The following KIZ variants were observed in gnomAD, a reference collection of about 807,000 sequenced individuals.
KIZ encodes kizuna centrosomal protein.
Under a neutral mutation model 79.6 loss-of-function variants are expected in KIZ, and 68 were observed. The observed-to-expected ratio is 0.85, with a 90% CI of 0.70 to 1.05. The LOEUF (loss-of-function observed/expected upper bound fraction) is 1.05, where lower values mean the gene tolerates loss of function less well. Ranked by LOEUF, KIZ falls within the 50% of genes least tolerant of loss-of-function variation. The probability of loss-of-function intolerance (pLI) is 0.00; values close to 1 mark genes in which losing one functional copy is unlikely to be tolerated. For synonymous variants in KIZ, 280 were observed against 281.8 expected, an observed-to-expected ratio of 0.99 and a Z score of 0.06; for missense variants, 797 against 800.4, an observed-to-expected ratio of 1.00 and a Z score of 0.05.
intron 8 of KIZ, 57 bp from the exon 9 acceptor site, chr20:21,215,526 A>G: frequency 2.0e-6 from 2 of 1,020,024 alleles, no homozygotes; most frequent in Non-Finnish European, 1.5e-6. Flanking sequence ...CAAACACCCA[A>G]AGGATCTATT....
At chr20:21,228,573 C>T (rs2036728555) in intron 9 of KIZ, among the ~76,000 whole-genome samples, 1 of 152,192 alleles carries the variant, frequency 6.6e-6, no homozygotes, top group Admixed American at 6.5e-5. Context: ...GACCCTCTCC[C>T]CATTCCCCCA....
At chr20:21,244,343 C>A (rs2037319993) in intron 12 of KIZ, 55 bp downstream of exon 12, 12 of 1,243,718 alleles carry the variant, frequency 9.6e-6, no homozygotes, top group Non-Finnish European at 1.2e-6. Flanking sequence ...CCAAAAAACT[C>A]TGTGACATGC....
intron 3 of KIZ, among the ~76,000 whole-genome samples, chr20:21,142,079 G>A (rs888400741): frequency 2.0e-5 from 3 of 148,012 alleles, no homozygotes; most frequent in Non-Finnish European, 4.5e-5. Context: ...TTTATCTCCC[G>A]CACACGTACA....
At chr20:21,146,009 A>G (rs377696420) in intron 4 of KIZ, among the ~76,000 whole-genome samples, 2 of 152,236 alleles carry the variant, frequency 1.3e-5, no homozygotes, top group African/African-American at 2.4e-5. Flanking sequence ...TATTTGTGCG[A>G]ATATACATAA....
At chr20:21,149,208 C>T (rs537229963) in intron 4 of KIZ, among the ~76,000 whole-genome samples, 71 of 152,306 alleles carry the variant, frequency 4.7e-4, no homozygotes, top group African/African-American at 1.6e-3. Context: ...CACCTTGCAG[C>T]AATGCCCTCT....
At chr20:21,167,654 C>T (rs931269434) in intron 6 of KIZ, among the ~76,000 whole-genome samples, 5 of 151,486 alleles carry the variant, frequency 3.3e-5, no homozygotes, top group East Asian at 1.9e-4. Flanking sequence ...CTCCACCTCC[C>T]GGGTGCAAGC....
intron 6 of KIZ, among the ~76,000 whole-genome samples, chr20:21,184,847 G>A (rs145375220): frequency 6.6e-6 from 1 of 152,226 alleles, no homozygotes; most frequent in East Asian, 1.9e-4. Flanking sequence ...ATTGAGACCA[G>A]CCTGAGCAAC....
At chr20:21,228,370 G>A (rs1292846896) in intron 9 of KIZ, among the ~76,000 whole-genome samples, 2 of 152,142 alleles carry the variant, frequency 1.3e-5, no homozygotes, top group African/African-American at 4.8e-5. Flanking sequence ...TTCACTTATA[G>A]CAGATGCCAT....
intron 9 of KIZ, among the ~76,000 whole-genome samples, chr20:21,226,616 C>T (rs917844650): frequency 6.6e-6 from 1 of 152,200 alleles, no homozygotes; most frequent in African/African-American, 2.4e-5. Context: ...CCCTCTCCCG[C>T]AACTTTGACG....
At chr20:21,131,815 T>G in intron 1 of KIZ, 1 of 256,700 alleles carries the variant, frequency 3.9e-6, no homozygotes, top group Non-Finnish European at 7.4e-6. Context: ...CCATTTACTT[T>G]GTGGATTTTA....
intron 6 of KIZ, chr20:21,166,597 T>C (rs898676163): frequency 3.9e-5 from 49 of 1,269,658 alleles, no homozygotes; most frequent in Non-Finnish European, 5.3e-5. Context: ...TGCGCACCAT[T>C]GTGGCGGTGC....
chr20:21,131,560 G>A (rs1243369576), intron 1 of KIZ, among the ~76,000 whole-genome samples: 1 of 152,112 alleles, frequency 6.6e-6, no homozygotes, highest in African/African-American at 2.4e-5. Flanking sequence ...GATCTGATGG[G>A]ACCCCATCAC....
intron 9 of KIZ, among the ~76,000 whole-genome samples, chr20:21,228,616 A>G (rs2036730363): frequency 6.6e-6 from 1 of 152,168 alleles, no homozygotes; most frequent in Non-Finnish European, 1.5e-5. Context: ...CTTGAGTGTG[A>G]GAGCCCAAGA....
rs200000557 is a variant in KIZ, at chr20:21,216,377, AG to A, written c.1678+731del. ...AATACACCATTGCACCAAGGTACTG[AG>A]GCATGCATCTGCATATGTGGTAGTT... On this transcript the variant is annotated intron_variant, in intron 9 of 12. Transcript: ENST00000619189. Among the ~76,000 whole-genome samples the A allele has an allele frequency of 6.5e-4, 99 of 152,328 alleles. 1 individual carries two copies. The South Asian group carries it at 9.5e-3, about 15-fold the overall frequency.
At chr20:21,187,527 T>G (rs1287476421) in intron 6 of KIZ, among the ~76,000 whole-genome samples, 8 of 152,220 alleles carry the variant, frequency 5.3e-5, no homozygotes, top group Non-Finnish European at 1.2e-4. Context: ...TCAGTAAGCC[T>G]ATCCACCGTG....
chr20:21,163,114 C>G lies in KIZ; in HGVS notation c.1307C>G (p.Ser436Cys). The G allele has an allele frequency of 6.2e-7, 1 of 1,613,014 alleles. No homozygotes were observed. Among genetic ancestry groups the G allele is most frequent in the Non-Finnish European group, 8.5e-7 (1 of 1,179,584 alleles). ...EKNCILQTLS[S>C]PDSEKESSTN... ...AATTGTATTTTGCAAACCCTAAGCT[C>G]TCCTGATTCAGAAAAGGAATCCTCC... The change falls in exon 6 of 13, where the codon TCT (serine) becomes TGT (cysteine). Residue 436 changes from serine to cysteine, a missense_variant. Ser to Cys is a moderately radical substitution (Grantham distance 112). Coordinates refer to ENST00000619189, the MANE Select transcript of KIZ (RefSeq NM_018474.6).
intron 10 of KIZ, among the ~76,000 whole-genome samples, chr20:21,230,224 C>T (rs1319528836): frequency 6.6e-6 from 1 of 152,202 alleles, no homozygotes; most frequent in Non-Finnish European, 1.5e-5. Context: ...CCTGTAATCC[C>T]AGCATTTTGG....
intron 6 of KIZ, chr20:21,198,931 C>A (rs907995996): frequency 6.6e-6 from 1 of 152,300 alleles, no homozygotes; most frequent in Non-Finnish European, 1.5e-5. Context: ...AGTCCTTCTG[C>A]GCTCTCTAGG....
chr20:21,139,377 A>T (rs1600364269), intron 3 of KIZ, among the ~76,000 whole-genome samples: 1 of 152,126 alleles, frequency 6.6e-6, no homozygotes, highest in East Asian at 1.9e-4. Flanking sequence ...AGAAACCAAG[A>T]TATATGGTTA....
Sources: allele counts gnomAD v4.1 joint callset (sites outside exome capture counted in the v4.1 genomes callset), GRCh38; gene constraint gnomAD v4.1.1; transcripts MANE v1.5; gene names NCBI Gene and HGNC (gene_info 2026-07-23, HGNC 2026-07-21).